LRP6: variants seen among roughly 807,000 people sequenced by gnomAD.
The protein encoded by LRP6 is LDL receptor related protein 6, also known as low-density lipoprotein receptor-related protein 6.
A neutral mutation model predicts 184.1 loss-of-function variants in LRP6; 43 were observed. The ratio of observed to expected loss-of-function variants is 0.23; its 90% CI spans 0.18 to 0.30. The LOEUF (loss-of-function observed/expected upper bound fraction) is 0.30, where lower values mean the gene tolerates loss of function less well. Among genes scored for constraint, LRP6 ranks in the 10% least tolerant of loss-of-function variants. The pLI, the probability that LRP6 is intolerant of heterozygous loss-of-function variation, is 1.00. For synonymous variants in LRP6, 719 were observed against 684.9 expected (o/e 1.05, Z -0.78); for missense variants, 1,571 against 2,005.3 (o/e 0.78, Z 4.14).
rs146756311 is a variant in LRP6, at chr12:12,256,329, C to T, written c.55+10352G>A. Among the ~76,000 whole-genome samples the T allele has an allele frequency of 4.2e-4, 63 of 150,802 alleles. No individual in the cohort carries two copies. In the East Asian group the frequency reaches 8.4e-3, roughly 20 times the overall value. ...ATCCCAGCACTCTGGGAGGCAGAGG[C>T]GGGTGTATCACCGAGCCCAGGAGTT... On this transcript the variant is annotated intron_variant, in intron 1 of 22. Transcript: ENST00000261349.
At chr12:12,189,796 C>T (rs1863565123) in intron 3 of LRP6, among the ~76,000 whole-genome samples, 2 of 152,154 alleles carry the variant, frequency 1.3e-5, no homozygotes, top group Admixed American at 6.5e-5. Flanking sequence ...CCACCGAGCC[C>T]GGCCTTAACA....
intron 2 of LRP6, among the ~76,000 whole-genome samples, chr12:12,230,972 G>A (rs1392327517): frequency 4.6e-5 from 7 of 151,868 alleles, no homozygotes; most frequent in African/African-American, 1.7e-4. Context: ...CACAAGGTCA[G>A]GAGTTCGCGA....
At chr12:12,259,536 G>C (rs908897045) in intron 1 of LRP6, among the ~76,000 whole-genome samples, 3 of 152,004 alleles carry the variant, frequency 2.0e-5, no homozygotes, top group African/African-American at 4.8e-5. Context: ...AATTTTCACC[G>C]AAGAGTCCAA....
At chr12:12,156,173 G>A (rs1950150564) in intron 12 of LRP6, among the ~76,000 whole-genome samples, 1 of 152,126 alleles carries the variant, frequency 6.6e-6, no homozygotes, top group Admixed American at 6.5e-5. Flanking sequence ...TGGATAGAAT[G>A]GCAGCATAAT....
At chr12:12,229,705 A>G (rs1305207453) in intron 2 of LRP6, among the ~76,000 whole-genome samples, 1 of 152,234 alleles carries the variant, frequency 6.6e-6, no homozygotes, top group Non-Finnish European at 1.5e-5. Context: ...AGCCAATTTT[A>G]GTATGCTTTG....
chr12:12,240,062 A>C (rs1382801989), intron 2 of LRP6, among the ~76,000 whole-genome samples: 1 of 151,902 alleles, frequency 6.6e-6, no homozygotes, highest in African/African-American at 2.4e-5. Context: ...AGAGACACAC[A>C]CCACGAGTTT....
At chr12:12,191,332 A>C (rs1180655053) in intron 3 of LRP6, among the ~76,000 whole-genome samples, 1 of 152,184 alleles carries the variant, frequency 6.6e-6, no homozygotes, top group Non-Finnish European at 1.5e-5. Flanking sequence ...GAACAATGGG[A>C]AAATAAGGTA....
At chr12:12,173,383 C>T (rs1401337523) in intron 7 of LRP6, among the ~76,000 whole-genome samples, 1 of 152,160 alleles carries the variant, frequency 6.6e-6, no homozygotes, top group Non-Finnish European at 1.5e-5. Flanking sequence ...TGCTCTGTTG[C>T]CCAAGCTAGA....
chr12:12,180,810 A>G lies in LRP6; in HGVS notation c.1373+233T>C, dbSNP rs553658859. Among the ~76,000 whole-genome samples, 64 of 152,342 alleles carry G rather than the reference A, an allele frequency of 4.2e-4. No individual in the cohort carries two copies. In the South Asian group the frequency reaches 0.013, roughly 31 times the overall value. On this transcript the variant is annotated intron_variant, in intron 6 of 22. Coordinates refer to ENST00000261349, the MANE Select transcript of LRP6 (RefSeq NM_002336.3). ...AAATCTGCAGACAACACCCAAAGTC[A>G]GCAAACATGGACTTAATTTAGAAAG...
rs1172278415 is a variant in LRP6 at position 12,138,381 on chromosome 12, C to T, written c.3551G>A (p.Arg1184Gln). 12 of 1,614,130 alleles carry T rather than the reference C, an allele frequency of 7.4e-6. No homozygotes were observed. Among genetic ancestry groups the T allele is most frequent in the South Asian group, 2.2e-5 (2 of 91,086 alleles). Reference protein sequence around the residue: ...GREGRTKVQARIAQLSDIHAV... With the variant: ...GREGRTKVQAQIAQLSDIHAV... ...ATGAATGTCACTAAGCTGGGCAATT[C>T]GAGCTTGGACTTTGGTTCTACCCTC... Residue 1184 changes from arginine (R) to glutamine (Q), a missense_variant, in exon 16 of 23, where the codon CGA (arginine) becomes CAA (glutamine). Physicochemically the swap from Arg to Gln is conservative, Grantham distance 43. Coordinates refer to ENST00000261349, the MANE Select transcript of LRP6 (RefSeq NM_002336.3).
intron 16 of LRP6, among the ~76,000 whole-genome samples, chr12:12,137,500 A>AG (rs1319474217): frequency 2.6e-5 from 4 of 152,086 alleles, no homozygotes; most frequent in Admixed American, 1.3e-4. Flanking sequence ...TTTATCCCAA[A>AG]GGGGGGGAAA....
At chr12:12,252,986 T>G (rs1865360817) in intron 1 of LRP6, among the ~76,000 whole-genome samples, 1 of 152,198 alleles carries the variant, frequency 6.6e-6, no homozygotes, top group Non-Finnish European at 1.5e-5. Context: ...GTTAATCGGC[T>G]GGGCGCAGTT....
chr12:12,254,166 G>GAAAC (rs1865405196), intron 1 of LRP6, among the ~76,000 whole-genome samples: 2 of 87,906 alleles, frequency 2.3e-5, no homozygotes, highest in Non-Finnish European at 4.9e-5. Context: ...AAAAAAAAAA[G>GAAAC]AAAGAAAGAA....
chr12:12,257,423 C>CA (rs947033294), intron 1 of LRP6, among the ~76,000 whole-genome samples: 4 of 150,588 alleles, frequency 2.7e-5, no homozygotes, highest in Non-Finnish European at 5.9e-5. Context: ...TAAAAAAATA[C>CA]AAAAAAAATT....
intron 15 of LRP6, among the ~76,000 whole-genome samples, chr12:12,140,409 A>G (rs948726883): frequency 1.3e-5 from 2 of 152,102 alleles, no homozygotes; most frequent in Non-Finnish European, 2.9e-5. Context: ...AAATACAGCT[A>G]CAGTCAAGAA....
chr12:12,134,511 G>T (rs778169786), intron 17 of LRP6, among the ~76,000 whole-genome samples: 28 of 152,070 alleles, frequency 1.8e-4, no homozygotes, highest in Non-Finnish European at 2.8e-4. Context: ...TGTTAAACCT[G>T]CTAAGTGATT....
intron 3 of LRP6, among the ~76,000 whole-genome samples, chr12:12,193,254 T>C (rs905189293): frequency 2.0e-5 from 3 of 151,716 alleles, no homozygotes; most frequent in Non-Finnish European, 4.4e-5. Context: ...TACTAATGCC[T>C]ATACTAGAAA....
At chr12:12,170,633 CT>C (rs1004019726) in intron 7 of LRP6, among the ~76,000 whole-genome samples, 4 of 151,912 alleles carry the variant, frequency 2.6e-5, no homozygotes, top group African/African-American at 9.7e-5. Flanking sequence ...TAATTGGTTC[CT>C]TTTTTAGTTT....
intron 15 of LRP6, among the ~76,000 whole-genome samples, chr12:12,140,941 C>A (rs1047688812): frequency 2.6e-5 from 4 of 152,118 alleles, no homozygotes; most frequent in South Asian, 2.1e-4. Flanking sequence ...ATTAGCATAT[C>A]AAATCCAGCA....
Sources: gnomAD v4.1 joint callset for allele counts (sites outside exome capture counted in the v4.1 genomes callset) on GRCh38, gnomAD v4.1.1 for gene constraint, MANE v1.5 for transcripts, NCBI Gene and HGNC (gene_info 2026-07-23, HGNC 2026-07-21) for gene names.